The following SPATA31H1 variants were observed in gnomAD, a reference collection of about 807,000 sequenced individuals.
The protein encoded by SPATA31H1 is SPATA31 subfamily H member 1.
At chr2:27,550,322 TAG>T in the SPATA31H1 span, among the ~76,000 whole-genome samples, 1 of 151,556 alleles carries the variant, frequency 6.6e-6, no homozygotes, top group African/African-American at 2.4e-5. Flanking sequence ...TAATGTTTGA[TAG>T]AGTGTATTTA....
At chr2:27,580,995 C>G in the SPATA31H1 span, 5 of 1,614,066 alleles carry the variant, frequency 3.1e-6, no homozygotes, top group Non-Finnish European at 3.4e-6. Context: ...GGGGCAGCCT[C>G]TGAGAACTGT....
the SPATA31H1 span, among the ~76,000 whole-genome samples, chr2:27,562,452 A>G: frequency 6.6e-6 from 1 of 151,154 alleles, no homozygotes; most frequent in African/African-American, 2.4e-5. Context: ...TTGAGGCTGT[A>G]GTGAGCCATG....
the SPATA31H1 span, among the ~76,000 whole-genome samples, chr2:27,546,398 C>T: frequency 5.3e-5 from 8 of 151,828 alleles, no homozygotes; most frequent in Non-Finnish European, 1.0e-4. Flanking sequence ...GTCAACACTC[C>T]CCTCCTCCCC....
the SPATA31H1 span, chr2:27,577,644 G>A: frequency 6.2e-7 from 1 of 1,614,018 alleles, no homozygotes; most frequent in Non-Finnish European, 8.5e-7. This position sits in a 1 kb window ranked among gnomAD's most constrained non-coding sequence, Gnocchi z 4.5. Context: ...AGGACATCGA[G>A]TTCCTGAATC....
At chr2:27,570,563 T>G in the SPATA31H1 span, 1 of 398,774 alleles carries the variant, frequency 2.5e-6, no homozygotes, top group Non-Finnish European at 4.4e-6. Context: ...AGGTAGGGCT[T>G]AACCCAGAGC....
chr2:27,540,331 C>G, the SPATA31H1 span, among the ~76,000 whole-genome samples: 2 of 120,170 alleles, frequency 1.7e-5, no homozygotes, highest in African/African-American at 6.3e-5. Context: ...TCCTCACTTC[C>G]CAGTAGGGGC....
At chr2:27,567,807 C>A in the SPATA31H1 span, 1 of 399,022 alleles carries the variant, frequency 2.5e-6, no homozygotes. Flanking sequence ...GACCCCAAGG[C>A]TATCATATCA....
the SPATA31H1 span, among the ~76,000 whole-genome samples, chr2:27,550,364 C>G: frequency 6.7e-6 from 1 of 148,440 alleles, no homozygotes; most frequent in Non-Finnish European, 1.5e-5. Flanking sequence ...AAGGAGGTTC[C>G]CTTTTATTTC....
At chr2:27,559,824 T>C in the SPATA31H1 span, among the ~76,000 whole-genome samples, 1 of 152,112 alleles carries the variant, frequency 6.6e-6, no homozygotes, top group Non-Finnish European at 1.5e-5. Flanking sequence ...TTTTATGGGT[T>C]TCTGTTTCTT....
At chr2:27,544,097 A>T in the SPATA31H1 span, among the ~76,000 whole-genome samples, 5 of 152,030 alleles carry the variant, frequency 3.3e-5, no homozygotes, top group African/African-American at 1.2e-4. Flanking sequence ...CCGCAATAAA[A>T]ATACAGTGTA....
chr2:27,559,726 CT>C, the SPATA31H1 span, among the ~76,000 whole-genome samples: 1 of 151,976 alleles, frequency 6.6e-6, no homozygotes, highest in Non-Finnish European at 1.5e-5. Context: ...TTTATCAATG[CT>C]AGTAAGCCCA....
the SPATA31H1 span, among the ~76,000 whole-genome samples, chr2:27,550,986 T>A: frequency 6.6e-6 from 1 of 151,892 alleles, no homozygotes; most frequent in Admixed American, 6.6e-5. Context: ...GCCTGCTGGA[T>A]TCAAGTGATT....
At chr2:27,539,923 C>T in the SPATA31H1 span, among the ~76,000 whole-genome samples, 1 of 122,528 alleles carries the variant, frequency 8.2e-6, no homozygotes. Context: ...GGGGGCTGAC[C>T]CCCCCACCTC....
chr2:27,561,144 A>C, the SPATA31H1 span, among the ~76,000 whole-genome samples: 46 of 152,276 alleles, frequency 3.0e-4, no homozygotes, highest in African/African-American at 9.6e-4. Context: ...CAGCCTGGCC[A>C]ATATGATGAA....
the SPATA31H1 span, chr2:27,570,475 T>C: frequency 2.5e-6 from 1 of 398,918 alleles, no homozygotes; most frequent in African/African-American, 2.1e-5. Context: ...AGTGTGAATT[T>C]TGTAGAGGTG....
the SPATA31H1 span, chr2:27,569,648 G>A: frequency 2.5e-6 from 1 of 398,790 alleles, no homozygotes; most frequent in Non-Finnish European, 4.4e-6. Context: ...TGCAAGATAT[G>A]AAACACATGA....
At chr2:27,539,463 CAGA>C in the SPATA31H1 span, among the ~76,000 whole-genome samples, 2 of 123,366 alleles carry the variant, frequency 1.6e-5, no homozygotes, top group Middle Eastern at 3.6e-3. Context: ...GATCCCAAGG[CAGA>C]AGAATTTTTC....
At chr2:27,580,500 A>G in the SPATA31H1 span, 1 of 1,614,134 alleles carries the variant, frequency 6.2e-7, no homozygotes, top group African/African-American at 1.3e-5. Context: ...CAGTAGAACC[A>G]CAATAGAGAG....
chr2:27,539,793 C>G, the SPATA31H1 span, among the ~76,000 whole-genome samples: 1 of 59,174 alleles, frequency 1.7e-5, no homozygotes, highest in Non-Finnish European at 3.0e-5. Flanking sequence ...GCAGAGGGGT[C>G]CTCACTTCCC....
Sources: gnomAD v4.1 joint callset for allele counts (sites outside exome capture counted in the v4.1 genomes callset) on GRCh38, gnomAD v4.1.1 for gene constraint, Gnocchi (gnomAD v3.1) non-coding constraint, MANE v1.5 for transcripts, NCBI Gene and HGNC (gene_info 2026-07-23, HGNC 2026-07-21) for gene names.